APC: variants seen among roughly 807,000 people sequenced by gnomAD.
The protein encoded by APC is adenomatous polyposis coli protein.
In APC, 72 loss-of-function variants were observed where a neutral mutation model predicts 247.0. The observed-to-expected ratio is 0.29, with a 90% CI of 0.24 to 0.35. The LOEUF (loss-of-function observed/expected upper bound fraction) is 0.35. Ranked by LOEUF, APC falls within the 10% of genes least tolerant of loss-of-function variation. The pLI is 1.00. For missense variants in APC, 3,400 were observed against 3,360.7 expected (o/e 1.01, Z -0.29); for synonymous variants, 1,254 against 1,162.5 (o/e 1.08, Z -1.60).
intron 14 of APC, 70 bp downstream of exon 14, chr5:112,829,042 G>C: frequency 9.5e-7 from 1 of 1,051,648 alleles, no homozygotes; most frequent in South Asian, 1.3e-5. Context: ...CCTTCTTTTA[G>C]CCATGAGATT....
intron 1 of APC, among the ~76,000 whole-genome samples, chr5:112,729,349 A>G (rs904227722): frequency 1.3e-5 from 2 of 152,238 alleles, no homozygotes; most frequent in South Asian, 4.1e-4. Context: ...AAACTCCATC[A>G]TGTGGTAGAA....
intron 10 of APC, among the ~76,000 whole-genome samples, chr5:112,820,621 G>C (rs528993843): frequency 6.6e-6 from 1 of 152,116 alleles, no homozygotes; most frequent in African/African-American, 2.4e-5. Context: ...CCACAGTTAC[G>C]TAATGACCCA....
At chr5:112,756,400 A>G (rs1754990802) in intron 2 of APC, among the ~76,000 whole-genome samples, 1 of 152,238 alleles carries the variant, frequency 6.6e-6, no homozygotes, top group East Asian at 1.9e-4. Context: ...TGGGTGACCT[A>G]AAAAGACTTG....
chr5:112,727,663 C>A (rs925757549), intron 1 of APC, among the ~76,000 whole-genome samples: 2 of 151,984 alleles, frequency 1.3e-5, no homozygotes, highest in Admixed American at 6.6e-5. Context: ...TCATTTTGAT[C>A]TTGTTTTCTT....
At chr5:112,744,816 G>T (rs1175783254) in intron 1 of APC, among the ~76,000 whole-genome samples, 1 of 152,204 alleles carries the variant, frequency 6.6e-6, no homozygotes, top group African/African-American at 2.4e-5. Context: ...ATAATAGATT[G>T]TGAACACCAG....
rs187472817 is a variant in APC, at chr5:112,797,311, A to C, written c.730-3968A>C. 7.9e-5 allele frequency among the ~76,000 whole-genome samples: 12 copies of C among 152,244 alleles called. No individual in the cohort carries two copies. The East Asian group carries it at 1.7e-3, about 22-fold the overall frequency. On this transcript the variant is annotated intron_variant, in intron 7 of 15. Coordinates refer to ENST00000257430, the MANE Select transcript of APC (RefSeq NM_000038.6). ...GTTTATTGCATTATTTTATTCTTCT[A>C]ATGTAAGTTAGAGGGAGAAGCTAGA...
intron 1 of APC, among the ~76,000 whole-genome samples, chr5:112,711,791 G>T (rs921467631): frequency 6.6e-6 from 1 of 152,210 alleles, no homozygotes; most frequent in African/African-American, 2.4e-5. Context: ...GAAGTGGCTT[G>T]AAGAGTGCTT....
chr5:112,819,870 G>A (rs921962231), intron 10 of APC, among the ~76,000 whole-genome samples: 2 of 152,122 alleles, frequency 1.3e-5, no homozygotes, highest in African/African-American at 4.8e-5. Flanking sequence ...AGGCTCAGAA[G>A]AGCTAAAGGA....
chr5:112,808,759 A>C (rs1460961489), intron 8 of APC, among the ~76,000 whole-genome samples: 1 of 151,622 alleles, frequency 6.6e-6, no homozygotes, highest in Non-Finnish European at 1.5e-5. Flanking sequence ...TTTGCTGATG[A>C]CTCCCCATGA....
intron 8 of APC, among the ~76,000 whole-genome samples, chr5:112,811,765 G>C (rs549530439): frequency 2.0e-5 from 3 of 152,310 alleles, no homozygotes; most frequent in African/African-American, 7.2e-5. Flanking sequence ...AGCTATTGCT[G>C]CATAACAAAT....
At position 112,819,805 on chromosome 5, in the gene APC, T is replaced by A. The variant is rs184988381; in HGVS notation, c.1312+461T>A. On this transcript the variant is annotated intron_variant, in intron 10 of 15. Coordinates refer to ENST00000257430, the MANE Select transcript of APC (RefSeq NM_000038.6). Reference sequence around the variant, plus strand: ...ATGTTATTTGCTCCTCACATCAACCTACTGAAGTAGGAAGGGAAGGTATTA... The same window carrying A: ...ATGTTATTTGCTCCTCACATCAACCAACTGAAGTAGGAAGGGAAGGTATTA... Among the ~76,000 whole-genome samples the A allele has an allele frequency of 2.3e-3, 350 of 152,256 alleles. 2 individuals are homozygous for A. The highest frequency in any genetic ancestry group is 8.0e-3 in the African/African-American group (332 of 41,546).
intron 1 of APC, among the ~76,000 whole-genome samples, chr5:112,723,144 T>TAA (rs34534877): frequency 2.3e-4 from 35 of 150,314 alleles, no homozygotes; most frequent in Middle Eastern, 3.4e-3. Context: ...TCAACATTAT[T>TAA]AAAAAAAAAG....
At chr5:112,740,348 C>T (rs754929376) in intron 1 of APC, among the ~76,000 whole-genome samples, 7 of 151,934 alleles carry the variant, frequency 4.6e-5, no homozygotes, top group Non-Finnish European at 7.4e-5. Flanking sequence ...TATTTCATTC[C>T]TCTTGTAGTA....
At chr5:112,778,808 G>T (rs1758004932) in intron 5 of APC, among the ~76,000 whole-genome samples, 1 of 152,136 alleles carries the variant, frequency 6.6e-6, no homozygotes, top group Non-Finnish European at 1.5e-5. Flanking sequence ...CTCCCAAAGT[G>T]TTGGGATTAC....
intron 1 of APC, among the ~76,000 whole-genome samples, chr5:112,713,836 T>G (rs1439679797): frequency 6.6e-6 from 1 of 152,152 alleles, no homozygotes; most frequent in Non-Finnish European, 1.5e-5. Context: ...TTTTGTATTT[T>G]TAGTAGAGAC....
At chr5:112,741,046 A>C (rs1451316344) in intron 1 of APC, among the ~76,000 whole-genome samples, 1 of 152,164 alleles carries the variant, frequency 6.6e-6, no homozygotes, top group Non-Finnish European at 1.5e-5. Context: ...AAAATGGGAT[A>C]GAGTATTATG....
chr5:112,808,390 C>T (rs780101612), intron 8 of APC, among the ~76,000 whole-genome samples: 3 of 152,056 alleles, frequency 2.0e-5, no homozygotes, highest in Non-Finnish European at 2.9e-5. Flanking sequence ...TTTTGTTTTA[C>T]GGCCATTTAG....
intron 6 of APC, among the ~76,000 whole-genome samples, chr5:112,788,922 TTG>T (rs1432593269): frequency 1.3e-5 from 2 of 152,164 alleles, no homozygotes; most frequent in African/African-American, 4.8e-5. Context: ...TTTTGTTGTA[TTG>T]TGTAAGAACT....
chr5:112,820,848 A>G (rs1049128917), intron 10 of APC, among the ~76,000 whole-genome samples: 2 of 152,088 alleles, frequency 1.3e-5, no homozygotes, highest in African/African-American at 2.4e-5. Context: ...ACATTTGTAC[A>G]TAGCCACATG....
Sources: allele counts gnomAD v4.1 joint callset (sites outside exome capture counted in the v4.1 genomes callset), GRCh38; gene constraint gnomAD v4.1.1; transcripts MANE v1.5; gene names NCBI Gene and HGNC (gene_info 2026-07-23, HGNC 2026-07-21).